The following BBS4 variants were observed in gnomAD, a reference collection of about 807,000 sequenced individuals.
BBS4 encodes the protein BBSome complex member BBS4.
BBS4 carries 58 observed loss-of-function variants against 71.4 expected under a neutral mutation model. That is an observed-to-expected ratio of 0.81 (90% CI 0.66 to 1.01). The LOEUF is 1.01. BBS4 is among the 50% of genes least tolerant of loss of function. The pLI is 0.00. For synonymous variants in BBS4, 228 were observed against 216.8 expected (o/e 1.05, Z -0.46); for missense variants, 660 against 607.9 (o/e 1.09, Z -0.90).
At position 72,737,660 on chromosome 15, in the gene BBS4, A is replaced by C. The variant is rs1021192436; in HGVS notation, c.*73A>C. The C allele has an allele frequency of 1.3e-5, 16 of 1,244,612 alleles. No individual in the cohort carries two copies. In the African/African-American group the frequency reaches 1.9e-4, roughly 15 times the overall value. 77.1% of individuals were successfully genotyped at this position (1,244,612 alleles called of 1,614,324 possible). On this transcript the variant is annotated 3_prime_UTR_variant, in exon 16 of 16. Coordinates refer to ENST00000268057, the MANE Select transcript of BBS4 (RefSeq NM_033028.5). ...GCTGGATTAGGAAAGGTGACATGACACAGGCAGAGCAGAGTGGCACCCACC... is the reference window on the plus strand; with the variant it reads ...GCTGGATTAGGAAAGGTGACATGACCCAGGCAGAGCAGAGTGGCACCCACC...
intron 6 of BBS4, among the ~76,000 whole-genome samples, chr15:72,721,579 G>T (rs752397766): frequency 3.3e-5 from 5 of 152,160 alleles, no homozygotes; most frequent in Non-Finnish European, 2.9e-5. Flanking sequence ...TAACTATGTT[G>T]CAGGTTTGCT....
At chr15:72,692,216 A>G (rs2064997016) in intron 1 of BBS4, among the ~76,000 whole-genome samples, 1 of 151,972 alleles carries the variant, frequency 6.6e-6, no homozygotes, top group Non-Finnish European at 1.5e-5. Flanking sequence ...ACTTACAGGA[A>G]ACTATATGGT....
chr15:72,729,440 G>A (rs780028892), intron 9 of BBS4, among the ~76,000 whole-genome samples, 176 bp from the exon 10 acceptor site: 10 of 151,724 alleles, frequency 6.6e-5, no homozygotes, highest in Non-Finnish European at 1.2e-4. Context: ...AGTAGAGATG[G>A]GGTTTCTCCA....
Position 72,721,160 on chromosome 15 carries a change from G to T in BBS4, c.406-1634G>T, listed in dbSNP as rs1047930238. 2.0e-5 allele frequency among the ~76,000 whole-genome samples: 3 copies of T among 152,088 alleles called. No individual in the cohort carries two copies. In the South Asian group the frequency reaches 6.2e-4, roughly 31 times the overall value. On this transcript the variant is annotated intron_variant, in intron 6 of 15. Transcript: ENST00000268057. ...TATAATATGGACATGATTTGTGATT[G>T]AATAAAAAAAATTTTTAAATGTGCG... is the stretch of plus-strand genomic sequence containing the variant.
intron 12 of BBS4, among the ~76,000 whole-genome samples, chr15:72,734,432 G>T (rs1312418542): frequency 6.6e-6 from 1 of 152,184 alleles, no homozygotes; most frequent in South Asian, 2.1e-4. Context: ...GTTAGTGGGG[G>T]TTAGTGTTAG....
At position 72,715,535 on chromosome 15, in the gene BBS4, G is replaced by A. The variant is rs989725604; in HGVS notation, c.332+133G>A. The A allele has an allele frequency of 5.5e-6, 4 of 726,606 alleles. No homozygotes were observed. In the African/African-American group the frequency reaches 6.9e-5, roughly 12 times the overall value. 45.0% of individuals were successfully genotyped at this position (726,606 alleles called of 1,614,324 possible). On this transcript the variant is annotated intron_variant, in intron 5 of 15. Transcript: ENST00000268057. ...GGGGGAATGGTTTAATAGGTACAGT[G>A]GGATTCACTCTGAAGAGCATGGATT...
intron 12 of BBS4, among the ~76,000 whole-genome samples, chr15:72,734,854 G>A (rs1209809472): frequency 6.6e-6 from 1 of 152,088 alleles, no homozygotes; most frequent in Non-Finnish European, 1.5e-5. Context: ...TGACACTGGG[G>A]AATAAATGGA....
intron 1 of BBS4, among the ~76,000 whole-genome samples, chr15:72,689,912 G>A (rs1263963228): frequency 2.6e-5 from 4 of 151,988 alleles, no homozygotes; most frequent in Admixed American, 6.6e-5. Context: ...CCGGGTTCAC[G>A]CCATTCTCCA....
Position 72,716,838 on chromosome 15 carries a change from C to G in BBS4, c.393C>G (p.Asn131Lys), listed in dbSNP as rs748795500. The G allele has an allele frequency of 6.2e-7, 1 of 1,609,318 alleles. No homozygotes were observed. Among genetic ancestry groups the G allele is most frequent in the African/African-American group, 1.3e-5 (1 of 74,826 alleles). Residue 131 changes from asparagine (N) to lysine (K), a missense_variant, in exon 6 of 16, where the codon AAC becomes AAG. Transcript: ENST00000268057. ...IEVYNEAAKL[N>K]QKDWEISHNL... Reference sequence around the variant, plus strand: ...TATATAATGAAGCAGCTAAACTCAACCAGAAAGATTGGGTAAGTAGAGAAC... The same window carrying G: ...TATATAATGAAGCAGCTAAACTCAAGCAGAAAGATTGGGTAAGTAGAGAAC...
chr15:72,702,481 AAT>A (rs2065187702), intron 2 of BBS4, among the ~76,000 whole-genome samples: 1 of 152,210 alleles, frequency 6.6e-6, no homozygotes, highest in Admixed American at 6.5e-5. Flanking sequence ...ATAATTGTTA[AAT>A]TTTGCTTTGA....
chr15:72,718,984 G>A (rs2151027629), intron 6 of BBS4, among the ~76,000 whole-genome samples: 1 of 152,306 alleles, frequency 6.6e-6, no homozygotes, highest in South Asian at 2.1e-4. Context: ...CAACATAAAG[G>A]TGGTAATTGA....
At chr15:72,705,206 G>T (rs1476676853) in intron 2 of BBS4, among the ~76,000 whole-genome samples, 1 of 152,160 alleles carries the variant, frequency 6.6e-6, no homozygotes, top group Non-Finnish European at 1.5e-5. Flanking sequence ...TGAAATCAGG[G>T]AGTCAGTTTT....
chr15:72,688,925 A>G (rs900253734), intron 1 of BBS4, among the ~76,000 whole-genome samples: 1 of 152,172 alleles, frequency 6.6e-6, no homozygotes, highest in Non-Finnish European at 1.5e-5. Context: ...AAAGAATGTT[A>G]CAACTAATTG....
At position 72,736,865 on chromosome 15, in the gene BBS4, C is replaced by A. The variant is rs542213112; in HGVS notation, c.1352C>A (p.Ser451Ter). 1.2e-6 allele frequency: 2 copies of A among 1,614,226 alleles called. No homozygotes were observed. The highest frequency in any genetic ancestry group is 1.1e-5 in the South Asian group (1 of 91,088). Residue 451 changes from serine to a stop codon, truncating the protein, a stop_gained, in exon 15 of 16, where the codon TCA (serine) becomes TAA (stop). Coordinates refer to ENST00000268057, the MANE Select transcript of BBS4 (RefSeq NM_033028.5). LOFTEE classifies it high-confidence loss of function. ...CCCAAATCAAAGCACCAGACCACTT[C>A]AACCAGCAAACCTGCCAGTTTCCAG... ...KDPKSKHQTT[S>*]TSKPASFQQP...
chr15:72,707,146 C>A (rs993699177), intron 2 of BBS4, among the ~76,000 whole-genome samples: 1 of 151,134 alleles, frequency 6.6e-6, no homozygotes, highest in Non-Finnish European at 1.5e-5. Flanking sequence ...TTCCTCTCTT[C>A]CCCATGCTCT....
intron 8 of BBS4, among the ~76,000 whole-genome samples, chr15:72,725,764 TC>T (rs751992567): frequency 1.8e-5 from 1 of 55,456 alleles, no homozygotes; most frequent in African/African-American, 8.3e-5. Flanking sequence ...CCTTCCCCCT[TC>T]CCCCTTCCTC....
At chr15:72,728,959 G>A (rs2065753588) in intron 9 of BBS4, among the ~76,000 whole-genome samples, 1 of 152,144 alleles carries the variant, frequency 6.6e-6, no homozygotes, top group Admixed American at 6.5e-5. Flanking sequence ...TTTGGCTTGG[G>A]AGGTTGGCTC....
intron 14 of BBS4, among the ~76,000 whole-genome samples, chr15:72,736,184 A>G (rs1389896775): frequency 6.6e-6 from 1 of 151,730 alleles, no homozygotes; most frequent in African/African-American, 2.4e-5. Flanking sequence ...GTTATTGCTA[A>G]TTCAACTCAT....
At chr15:72,724,838 A>G (rs1396096934) in intron 8 of BBS4, among the ~76,000 whole-genome samples, 183 bp downstream of exon 8, 2 of 152,152 alleles carry the variant, frequency 1.3e-5, no homozygotes, top group Non-Finnish European at 2.9e-5. Flanking sequence ...TTTCTTACCT[A>G]TAAGGATGAC....
Sources: gnomAD v4.1 joint callset for allele counts (sites outside exome capture counted in the v4.1 genomes callset) on GRCh38, gnomAD v4.1.1 for gene constraint, MANE v1.5 for transcripts, NCBI Gene and HGNC (gene_info 2026-07-23, HGNC 2026-07-21) for gene names.